The following LCP1 variants were observed in gnomAD, a reference collection of about 807,000 sequenced individuals.
LCP1 encodes plastin-2.
LCP1 carries 23 observed loss-of-function variants against 72.0 expected under a neutral mutation model. The ratio of observed to expected loss-of-function variants is 0.32; its 90% CI spans 0.23 to 0.45. The LOEUF is 0.45. LCP1 is among the 20% of genes least tolerant of loss of function. LCP1 has a pLI of 1.00. For missense variants in LCP1, 571 were observed against 748.3 expected (o/e 0.76, Z 2.76); for synonymous variants, 245 against 275.4 (o/e 0.89, Z 1.09).
At chr13:46,132,321 T>C (rs2045639081) in intron 14 of LCP1, among the ~76,000 whole-genome samples, 1 of 152,154 alleles carries the variant, frequency 6.6e-6, no homozygotes, top group African/African-American at 2.4e-5. Flanking sequence ...ACCCCTGGGC[T>C]ATGTAACTGG....
Position 46,127,275 on chromosome 13 carries a change from T to C in LCP1, c.*316A>G, listed in dbSNP as rs2045604453. On this transcript the variant is annotated 3_prime_UTR_variant, in exon 16 of 16. Coordinates refer to ENST00000323076, the MANE Select transcript of LCP1 (RefSeq NM_002298.5). Reference sequence around the variant, plus strand: ...AAGATTATATCAAAATTAATACCACTGCAGCTTCTATCCTTGGCTAATGGC... The same window carrying C: ...AAGATTATATCAAAATTAATACCACCGCAGCTTCTATCCTTGGCTAATGGC... 1.0e-5 allele frequency: 3 copies of C among 293,722 alleles called. No individual in the cohort carries two copies. The South Asian group carries it at 2.8e-4, about 27-fold the overall frequency. The allele number at this position is 293,722 out of a possible 1,614,324, so 18.2% of individuals were successfully genotyped here.
chr13:46,157,744 T>G, intron 4 of LCP1, among the ~76,000 whole-genome samples: 1 of 140,272 alleles, frequency 7.1e-6, no homozygotes, highest in Non-Finnish European at 1.5e-5. Context: ...GACTTATCTT[T>G]TTTTTTTTTT....
chr13:46,130,212 G>A (rs1235889336), intron 15 of LCP1, among the ~76,000 whole-genome samples: 2 of 152,220 alleles, frequency 1.3e-5, no homozygotes, highest in African/African-American at 4.8e-5. Context: ...TTTTGCAAAA[G>A]ACTGGATGGT....
intron 1 of LCP1, among the ~76,000 whole-genome samples, chr13:46,179,356 G>A (rs764961878): frequency 1.6e-4 from 24 of 152,212 alleles, no homozygotes; most frequent in Middle Eastern, 3.4e-3. Context: ...TCTTTCATGC[G>A]TATGTAAGAA....
At chr13:46,143,788 C>T (rs200438129) in intron 11 of LCP1, among the ~76,000 whole-genome samples, 8 of 152,282 alleles carry the variant, frequency 5.3e-5, no homozygotes, top group South Asian at 2.1e-4. Context: ...ATATTTAGAA[C>T]GGGCGCAGTG....
chr13:46,139,891 T>C (rs1048566721), intron 13 of LCP1, among the ~76,000 whole-genome samples: 3 of 152,190 alleles, frequency 2.0e-5, no homozygotes, highest in Admixed American at 6.5e-5. Context: ...CTGGCCATGA[T>C]GGAATAACAG....
intron 15 of LCP1, among the ~76,000 whole-genome samples, chr13:46,128,724 C>T (rs1341707656): frequency 6.6e-6 from 1 of 152,144 alleles, no homozygotes; most frequent in East Asian, 1.9e-4. Context: ...ATTTATATTC[C>T]ATATTTTCAC....
intron 1 of LCP1, among the ~76,000 whole-genome samples, chr13:46,166,304 G>A (rs1289318904): frequency 6.6e-6 from 1 of 152,216 alleles, no homozygotes; most frequent in Non-Finnish European, 1.5e-5. Context: ...CCTGTCTAGA[G>A]AGAGATGCTC....
chr13:46,141,234 C>T (rs1207097750), intron 13 of LCP1, among the ~76,000 whole-genome samples: 1 of 151,652 alleles, frequency 6.6e-6, no homozygotes, highest in East Asian at 1.9e-4. Flanking sequence ...GGTGAAACCC[C>T]GTCTCTACTA....
At chr13:46,173,927 A>G (rs1296661178) in intron 1 of LCP1, among the ~76,000 whole-genome samples, 1 of 152,212 alleles carries the variant, frequency 6.6e-6, no homozygotes, top group Non-Finnish European at 1.5e-5. Context: ...AGCCATGAAA[A>G]GAAAAGAGAT....
intron 4 of LCP1, 90 bp from the exon 5 acceptor site, chr13:46,156,660 A>G (rs2045803199): frequency 7.3e-7 from 1 of 1,378,788 alleles, no homozygotes; most frequent in Non-Finnish European, 1.0e-6. Flanking sequence ...TCTCATTCCC[A>G]GCAGAGAGAT....
chr13:46,168,182 C>CT (rs1225170526), intron 1 of LCP1, among the ~76,000 whole-genome samples: 1 of 152,208 alleles, frequency 6.6e-6, no homozygotes, highest in Non-Finnish European at 1.5e-5. Flanking sequence ...TAGGCTCCAT[C>CT]TTGCCTCTAT....
At chr13:46,170,581 T>C (rs2045900295) in intron 1 of LCP1, among the ~76,000 whole-genome samples, 1 of 149,352 alleles carries the variant, frequency 6.7e-6, no homozygotes. Flanking sequence ...GGGATGCACA[T>C]ATGCGGTGTA....
intron 11 of LCP1, among the ~76,000 whole-genome samples, chr13:46,143,793 G>A (rs1286829884): frequency 2.0e-5 from 3 of 152,212 alleles, no homozygotes; most frequent in African/African-American, 4.8e-5. Context: ...TAGAACGGGC[G>A]CAGTGGCTCA....
At chr13:46,152,718 G>T in intron 7 of LCP1, 62 bp downstream of exon 7, 1 of 1,530,350 alleles carries the variant, frequency 6.5e-7, no homozygotes, top group Non-Finnish European at 8.9e-7. Context: ...TCCTCCTACA[G>T]TCCCCAACGC....
intron 4 of LCP1, among the ~76,000 whole-genome samples, chr13:46,157,749 T>C (rs1166626117): frequency 6.9e-6 from 1 of 144,694 alleles, no homozygotes; most frequent in Non-Finnish European, 1.5e-5. Flanking sequence ...ATCTTTTTTT[T>C]TTTTTTTTTT....
intron 10 of LCP1, among the ~76,000 whole-genome samples, chr13:46,145,474 A>G (rs1330100456): frequency 6.6e-6 from 1 of 152,202 alleles, no homozygotes; most frequent in Admixed American, 6.5e-5. Context: ...AATTGAGAAA[A>G]TGTTCCAAAG....
chr13:46,178,123 C>A (rs1274257232), intron 1 of LCP1, among the ~76,000 whole-genome samples: 1 of 152,094 alleles, frequency 6.6e-6, no homozygotes, highest in Non-Finnish European at 1.5e-5. Context: ...AATGAACTTG[C>A]CTTCAAATAT....
intron 1 of LCP1, among the ~76,000 whole-genome samples, chr13:46,162,843 C>G: frequency 6.6e-6 from 1 of 152,000 alleles, no homozygotes; most frequent in African/African-American, 2.4e-5. Context: ...GCGACCCCGT[C>G]TGGGAGGTGA....
Sources: gnomAD v4.1 joint callset for allele counts (sites outside exome capture counted in the v4.1 genomes callset) on GRCh38, gnomAD v4.1.1 for gene constraint, MANE v1.5 for transcripts, NCBI Gene and HGNC (gene_info 2026-07-23, HGNC 2026-07-21) for gene names.